FAM120A: variants seen among roughly 807,000 people sequenced by gnomAD.
FAM120A encodes family with sequence similarity 120 member A.
FAM120A carries 15 observed loss-of-function variants against 109.7 expected under a neutral mutation model. That is an observed-to-expected ratio of 0.14 (90% CI 0.09 to 0.21). The LOEUF (loss-of-function observed/expected upper bound fraction) is 0.21. FAM120A is among the 10% of genes least tolerant of loss of function. The pLI, the probability that FAM120A is intolerant of heterozygous loss-of-function variation, is 1.00. For missense variants in FAM120A, 899 were observed against 1,439.3 expected, an observed-to-expected ratio of 0.62 and a Z score of 6.07; for synonymous variants, 493 against 572.8, an observed-to-expected ratio of 0.86 and a Z score of 1.99.
chr9:93,456,856 A>T (rs1468362214), intron 1 of FAM120A, among the ~76,000 whole-genome samples: 1 of 152,202 alleles, frequency 6.6e-6, no homozygotes, highest in Non-Finnish European at 1.5e-5. Flanking sequence ...CAGAAGAAAA[A>T]TGTCCATCAG....
chr9:93,482,340 G>T (rs909212954), intron 3 of FAM120A, among the ~76,000 whole-genome samples: 17 of 151,896 alleles, frequency 1.1e-4, no homozygotes, highest in Admixed American at 9.2e-4. Context: ...GGTACACGCT[G>T]TTGCCACATC....
intron 5 of FAM120A, among the ~76,000 whole-genome samples, chr9:93,503,299 C>T (rs1485293515): frequency 6.6e-6 from 1 of 152,172 alleles, no homozygotes; most frequent in African/African-American, 2.4e-5. Flanking sequence ...TTTAAAGCAA[C>T]TTTATTCATA....
chr9:93,557,776 A>T (rs763134068), intron 13 of FAM120A, 51 bp from the exon 14 acceptor site: 3 of 1,553,380 alleles, frequency 1.9e-6, no homozygotes, highest in Admixed American at 3.7e-5. Flanking sequence ...TTTAAATTCA[A>T]TTAAAACCCC....
At chr9:93,479,917 C>T (rs112705445) in intron 3 of FAM120A, among the ~76,000 whole-genome samples, 20 of 152,304 alleles carry the variant, frequency 1.3e-4, no homozygotes, top group African/African-American at 4.3e-4. Context: ...TGGGGCTCTG[C>T]GGGCTCAGAA....
At chr9:93,493,815 G>A (rs370311001) in intron 3 of FAM120A, among the ~76,000 whole-genome samples, 102 of 152,222 alleles carry the variant, frequency 6.7e-4, no homozygotes, top group African/African-American at 2.4e-3. Flanking sequence ...AGGAAAGGCT[G>A]AAACTTGGCT....
chr9:93,488,852 C>T (rs1369956271), intron 3 of FAM120A, among the ~76,000 whole-genome samples: 1 of 151,856 alleles, frequency 6.6e-6, no homozygotes, highest in Non-Finnish European at 1.5e-5. Context: ...AGCCATGGAC[C>T]CTCCCTTTTG....
At position 93,478,546 on chromosome 9, in the gene FAM120A, G is replaced by A. The variant is rs190240741; in HGVS notation, c.804+2208G>A. Among the ~76,000 whole-genome samples the A allele has an allele frequency of 9.2e-5, 14 of 151,452 alleles. No homozygotes were observed. The East Asian group carries it at 9.7e-4, about 10-fold the overall frequency. ...GGATGGAGTACAGGGGTGAGATCTC[G>A]GCTCACTGCAACCTCTGCCTCCAGG... On this transcript the variant is annotated intron_variant, in intron 3 of 17. Coordinates refer to ENST00000277165, the MANE Select transcript of FAM120A (RefSeq NM_014612.5).
intron 15 of FAM120A, among the ~76,000 whole-genome samples, chr9:93,559,268 A>G (rs1463592797): frequency 1.3e-5 from 2 of 152,232 alleles, no homozygotes; most frequent in East Asian, 1.9e-4. Flanking sequence ...AACATTTAGC[A>G]TAGGAAGCAA....
intron 2 of FAM120A, among the ~76,000 whole-genome samples, chr9:93,476,027 G>A (rs999291601): frequency 2.6e-5 from 4 of 152,134 alleles, no homozygotes. Context: ...TCAGTTTTAT[G>A]CAGTTCTTAG....
At chr9:93,505,461 T>C (rs900267342) in intron 5 of FAM120A, among the ~76,000 whole-genome samples, 2 of 152,232 alleles carry the variant, frequency 1.3e-5, no homozygotes, top group African/African-American at 4.8e-5. Flanking sequence ...CTGCAAATAA[T>C]AATCTTCCAA....
At chr9:93,516,911 C>CA (rs201622707) in intron 7 of FAM120A, among the ~76,000 whole-genome samples, 433 of 151,756 alleles carry the variant, frequency 2.9e-3, no homozygotes, top group Non-Finnish European at 4.1e-3. Flanking sequence ...ATGTTTAAAA[C>CA]AAAAAAAACA....
At chr9:93,545,455 C>A (rs899850176) in intron 11 of FAM120A, among the ~76,000 whole-genome samples, 1 of 152,210 alleles carries the variant, frequency 6.6e-6, no homozygotes, top group African/African-American at 2.4e-5. Flanking sequence ...GCTGGGAAGC[C>A]CCATGGCCCC....
rs192845795 is a variant in FAM120A at position 93,505,338 on chromosome 9, G to A, written c.1030+6452G>A. On this transcript the variant is annotated intron_variant, in intron 5 of 17. Coordinates refer to ENST00000277165, the MANE Select transcript of FAM120A (RefSeq NM_014612.5). ...GCCTCCCGAAATGCTGGGATTACAG[G>A]CGTGAGCCACTGCGCCCGGCCTGTT... Among the ~76,000 whole-genome samples, 48 of 152,236 alleles carry A rather than the reference G, an allele frequency of 3.2e-4. No homozygotes were observed. The East Asian group carries it at 5.2e-3, about 16-fold the overall frequency.
At chr9:93,503,849 A>G (rs565064102) in intron 5 of FAM120A, among the ~76,000 whole-genome samples, 31 of 152,070 alleles carry the variant, frequency 2.0e-4, no homozygotes, top group Non-Finnish European at 3.8e-4. Flanking sequence ...GTATATATAT[A>G]TATATTTTAA....
Position 93,529,442 on chromosome 9 carries a change from C to T in FAM120A, c.1596C>T (p.Leu532=), listed in dbSNP as rs113553657. 16 of 1,614,246 alleles carry T rather than the reference C, an allele frequency of 9.9e-6. No homozygotes were observed. Among genetic ancestry groups the T allele is most frequent in the African/African-American group, 9.3e-5 (7 of 75,060 alleles). The change falls in exon 9 of 18, where the codon CTC becomes CTT. Residue 532 remains leucine (L), a synonymous_variant. Transcript: ENST00000277165. ...QMGTVQPIPC[L]LSMPTRNHMD... ...GCACTGTCCAGCCAATCCCGTGCCT[C>T]CTGTCGATGCCCACCAGGAACCACA...
At chr9:93,480,256 G>A (rs1312133259) in intron 3 of FAM120A, among the ~76,000 whole-genome samples, 1 of 152,220 alleles carries the variant, frequency 6.6e-6, no homozygotes, top group Admixed American at 6.5e-5. Context: ...TAAAATTGTA[G>A]GATGGGGTTA....
At chr9:93,530,455 CAAT>C (rs1861283770) in intron 9 of FAM120A, 1 of 152,178 alleles carries the variant, frequency 6.6e-6, no homozygotes, top group Non-Finnish European at 1.5e-5. Context: ...AAAATGGAGT[CAAT>C]AAATGCAATA....
At chr9:93,461,445 T>C (rs902233694) in intron 1 of FAM120A, among the ~76,000 whole-genome samples, 1 of 152,232 alleles carries the variant, frequency 6.6e-6, no homozygotes, top group African/African-American at 2.4e-5. Flanking sequence ...ATAAATAGTA[T>C]CAACCTGTGG....
chr9:93,528,675 C>T (rs1861194190), intron 8 of FAM120A, among the ~76,000 whole-genome samples: 1 of 152,152 alleles, frequency 6.6e-6, no homozygotes, highest in African/African-American at 2.4e-5. Context: ...ATGTCATTAT[C>T]CATAGATCTG....
Sources: allele counts gnomAD v4.1 joint callset (sites outside exome capture counted in the v4.1 genomes callset), GRCh38; gene constraint gnomAD v4.1.1; transcripts MANE v1.5; gene names NCBI Gene and HGNC (gene_info 2026-07-23, HGNC 2026-07-21).